DENND4A: variants seen among roughly 807,000 people sequenced by gnomAD.
The protein encoded by DENND4A is DENN domain containing 4A, also known as C-myc promoter-binding protein.
DENND4A carries 70 observed loss-of-function variants against 199.3 expected under a neutral mutation model. The observed-to-expected ratio is 0.35, with a 90% confidence interval of 0.29 to 0.43. The LOEUF (loss-of-function observed/expected upper bound fraction) is 0.43. Ranked by LOEUF, DENND4A falls within the 20% of genes least tolerant of loss-of-function variation. DENND4A has a pLI of 1.00. For synonymous variants in DENND4A, 686 were observed against 766.9 expected (o/e 0.89, Z 1.74); for missense variants, 1,723 against 2,255.8 (o/e 0.76, Z 4.78).
chr15:65,747,657 A>T (rs7180236), intron 4 of DENND4A, among the ~76,000 whole-genome samples: 1 of 152,190 alleles, frequency 6.6e-6, no homozygotes, highest in African/African-American at 2.4e-5. Context: ...ATCCAGCCAC[A>T]TATCAATACA....
At position 65,737,692 on chromosome 15, in the gene DENND4A, G is replaced by A; in HGVS notation, c.1040+15C>T. Reference sequence around the variant, plus strand: ...AAAGATCTGTCAAATGTTGAACCAAGAACACTTAACTTACTTCTCAATTGG... The same window carrying A: ...AAAGATCTGTCAAATGTTGAACCAAAAACACTTAACTTACTTCTCAATTGG... On this transcript the variant is annotated intron_variant, in intron 7 of 32. Coordinates refer to ENST00000443035, the MANE Select transcript of DENND4A (RefSeq NM_001320835.1). 1 of 1,554,032 alleles carries A rather than the reference G, an allele frequency of 6.4e-7. No individual in the cohort carries two copies. The highest frequency in any genetic ancestry group is 1.2e-5 in the South Asian group (1 of 83,432).
At chr15:65,753,996 C>CT (rs1223527668) in intron 3 of DENND4A, 2 of 151,920 alleles carry the variant, frequency 1.3e-5, no homozygotes, top group Non-Finnish European at 2.9e-5. Flanking sequence ...CACTACACCA[C>CT]ACTAAGTTTG....
chr15:65,776,657 C>T (rs895651213), intron 1 of DENND4A, among the ~76,000 whole-genome samples: 1 of 152,180 alleles, frequency 6.6e-6, no homozygotes, highest in African/African-American at 2.4e-5. Flanking sequence ...TTGGCTTCAT[C>T]GGCCACAGTT....
In DENND4A at chr15:65,669,795, T is replaced by A. The variant is rs77436088; in HGVS notation, c.4771A>T (p.Asn1591Tyr). 1 of 1,611,722 alleles carries A rather than the reference T, an allele frequency of 6.2e-7. No homozygotes were observed. The highest frequency in any genetic ancestry group is 1.1e-5 in the South Asian group (1 of 90,698). Residue 1591 changes from asparagine (N) to tyrosine (Y), a missense_variant, in exon 27 of 33, where the codon AAT (asparagine) becomes TAT (tyrosine). Physicochemically the swap from Asn to Tyr is moderately radical, Grantham distance 143 (BLOSUM62 -2). Coordinates refer to ENST00000443035, the MANE Select transcript of DENND4A (RefSeq NM_001320835.1). The stretch of plus-strand genomic sequence containing the variant: ...CATAATTACCTATTTAGATCAAAAT[T>A]CCCTTGAACAGAGAGAGCAGATGTG... ...LDTSALSVQG[N>Y]FDLNSKSKLQ...
chr15:65,670,210 T>C (rs769687570), intron 25 of DENND4A, 22 bp from the exon 26 acceptor site: 12 of 1,457,430 alleles, frequency 8.2e-6, no homozygotes, highest in African/African-American at 1.4e-5. Context: ...GATAGCACTT[T>C]ATAAAGAAAG....
intron 14 of DENND4A, among the ~76,000 whole-genome samples, chr15:65,706,473 CACACACACACACACACACACACAT>C (rs1455762683): frequency 2.7e-5 from 3 of 112,462 alleles, no homozygotes; most frequent in Non-Finnish European, 5.2e-5. Flanking sequence ...CACACACACA[CACACACACACACACACACACACAT>C]ATATATATAT....
chr15:65,692,169 G>A (rs1567011811), intron 22 of DENND4A, among the ~76,000 whole-genome samples: 2 of 151,942 alleles, frequency 1.3e-5, no homozygotes, highest in Non-Finnish European at 2.9e-5. Flanking sequence ...AAACAAAATA[G>A]AAGTATGTTA....
At chr15:65,671,564 A>AT (rs2076218910) in intron 25 of DENND4A, among the ~76,000 whole-genome samples, 1 of 151,980 alleles carries the variant, frequency 6.6e-6, no homozygotes, top group African/African-American at 2.4e-5. Flanking sequence ...TAATTTTTGT[A>AT]TTTTTAGTAG....
intron 3 of DENND4A, among the ~76,000 whole-genome samples, chr15:65,755,441 T>C (rs938301094): frequency 2.0e-5 from 3 of 152,162 alleles, no homozygotes; most frequent in Non-Finnish European, 4.4e-5. Context: ...TTTACCCCAA[T>C]ATCCTTCTTT....
chr15:65,787,539 A>T (rs902721958), intron 1 of DENND4A, among the ~76,000 whole-genome samples: 8 of 152,336 alleles, frequency 5.3e-5, no homozygotes, highest in Admixed American at 5.2e-4. Context: ...ACATTTTAAA[A>T]ATAATAACGG....
At chr15:65,752,761 T>G in intron 3 of DENND4A, 133 bp from the exon 4 acceptor site, 1 of 629,192 alleles carries the variant, frequency 1.6e-6, no homozygotes, top group Non-Finnish European at 2.6e-6. Context: ...AATTTTAAAA[T>G]GCACGGTCTT....
chr15:65,698,479 C>T (rs1012133776), intron 20 of DENND4A, among the ~76,000 whole-genome samples: 13 of 151,832 alleles, frequency 8.6e-5, no homozygotes, highest in African/African-American at 2.9e-4. Context: ...ATTTGTAAAA[C>T]GTAAGGTTGT....
chr15:65,704,775 G>A (rs989748328), intron 15 of DENND4A, among the ~76,000 whole-genome samples: 1 of 152,052 alleles, frequency 6.6e-6, no homozygotes, highest in African/African-American at 2.4e-5. Context: ...ATTTTTAGCA[G>A]AGACAGGGTT....
chr15:65,701,905 CA>C lies in DENND4A; in HGVS notation c.2431-16del. ...CGGTAGCATACCTGAAATACAAGTT[CA>C]AAATTGTACCGAAACACAGATGTCA... On this transcript the variant is annotated splice_polypyrimidine_tract_variant and intron_variant, in intron 17 of 32. Transcript: ENST00000443035. 6.2e-7 allele frequency: 1 copy of C among 1,613,032 alleles called. No individual in the cohort carries two copies. Among genetic ancestry groups the C allele is most frequent in the Non-Finnish European group, 8.5e-7 (1 of 1,179,360 alleles).
At chr15:65,676,153 T>A (rs1007810522) in intron 24 of DENND4A, among the ~76,000 whole-genome samples, 24 of 145,246 alleles carry the variant, frequency 1.7e-4, no homozygotes, top group African/African-American at 5.0e-4. Context: ...TATATATATA[T>A]ATATATATAT....
chr15:65,713,076 G>T (rs79793835), intron 14 of DENND4A, among the ~76,000 whole-genome samples: 1 of 152,108 alleles, frequency 6.6e-6, no homozygotes, highest in East Asian at 1.9e-4. Flanking sequence ...ATTATTACTG[G>T]AAATCAACAC....
Position 65,715,602 on chromosome 15 carries a change from C to T in DENND4A, c.1829G>A (p.Arg610Gln), listed in dbSNP as rs563702022. The change falls in exon 14 of 33, where the codon CGG becomes CAG. Residue 610 changes from arginine to glutamine, a missense_variant. By Grantham distance (43) the Arg-to-Gln change is conservative. Coordinates refer to ENST00000443035, the MANE Select transcript of DENND4A (RefSeq NM_001320835.1). ...CATGTTATAGAATTTTTGATGTGAC[C>T]GGTCCCGGCTTCTTAAGAAAGCTGT... ...ALQAFLRSRD[R>Q]SHQKFYNMMT... 5.9e-5 allele frequency: 92 copies of T among 1,571,706 alleles called. No individual in the cohort carries two copies. The highest frequency in any genetic ancestry group is 1.2e-4 in the African/African-American group (9 of 73,788).
At chr15:65,663,211 T>TA (rs1374533453) in intron 32 of DENND4A, among the ~76,000 whole-genome samples, 1 of 142,424 alleles carries the variant, frequency 7.0e-6, no homozygotes, top group East Asian at 2.1e-4. Flanking sequence ...TTTTTTTTTT[T>TA]ATTTTTTTTT....
intron 1 of DENND4A, among the ~76,000 whole-genome samples, chr15:65,774,148 G>A (rs969613136): frequency 6.6e-6 from 1 of 152,156 alleles, no homozygotes; most frequent in Non-Finnish European, 1.5e-5. Flanking sequence ...TTGAGGTCAC[G>A]AGTTCGAGAC....
Sources: allele counts gnomAD v4.1 joint callset (sites outside exome capture counted in the v4.1 genomes callset), GRCh38; gene constraint gnomAD v4.1.1; transcripts MANE v1.5; gene names NCBI Gene and HGNC (gene_info 2026-07-23, HGNC 2026-07-21).